The following TMEM132B variants were observed in gnomAD, a reference collection of about 807,000 sequenced individuals.
TMEM132B encodes transmembrane protein 132B.
Under a neutral mutation model 90.8 loss-of-function variants are expected in TMEM132B, and 18 were observed. The observed-to-expected ratio is 0.20, with a 90% CI of 0.14 to 0.29. TMEM132B has a LOEUF of 0.29. Among genes scored for constraint, TMEM132B ranks in the 10% least tolerant of loss-of-function variants. The pLI, the probability that TMEM132B is intolerant of heterozygous loss-of-function variation, is 1.00. For synonymous variants in TMEM132B, 504 were observed against 523.3 expected, an observed-to-expected ratio of 0.96 and a Z score of 0.50; for missense variants, 1,096 against 1,326.8, an observed-to-expected ratio of 0.83 and a Z score of 2.70.
intron 2 of TMEM132B, among the ~76,000 whole-genome samples, chr12:125,398,409 C>T (rs1225251110): frequency 6.6e-6 from 1 of 152,226 alleles, no homozygotes; most frequent in East Asian, 1.9e-4. Flanking sequence ...GACATAGATA[C>T]AGACACAGAA....
intron 5 of TMEM132B, among the ~76,000 whole-genome samples, chr12:125,612,165 AT>A (rs1885846497): frequency 6.6e-6 from 1 of 152,066 alleles, no homozygotes; most frequent in South Asian, 2.1e-4. Flanking sequence ...GTCCCTTTTA[AT>A]TTTAATTTTT....
chr12:125,371,965 C>T (rs991806343), intron 2 of TMEM132B, among the ~76,000 whole-genome samples: 1 of 152,102 alleles, frequency 6.6e-6, no homozygotes, highest in Non-Finnish European at 1.5e-5. Flanking sequence ...TCACTCACTT[C>T]GGTTAGACAG....
intron 5 of TMEM132B, among the ~76,000 whole-genome samples, chr12:125,634,856 T>C (rs1653948987): frequency 6.6e-6 from 1 of 152,142 alleles, no homozygotes. Context: ...AAGGGGTCTT[T>C]TGTGGTACTG....
chr12:125,564,931 T>C (rs1014133713), intron 4 of TMEM132B, among the ~76,000 whole-genome samples: 3 of 152,082 alleles, frequency 2.0e-5, no homozygotes, highest in African/African-American at 4.8e-5. Flanking sequence ...CAATGTTGTG[T>C]GGGAGGTGTG....
intron 5 of TMEM132B, among the ~76,000 whole-genome samples, chr12:125,594,078 C>T (rs1005027410): frequency 6.6e-6 from 1 of 152,172 alleles, no homozygotes; most frequent in African/African-American, 2.4e-5. Flanking sequence ...TCCACTTGTT[C>T]CCAGATAGCC....
At chr12:125,256,711 A>C (rs1874447361) in intron 1 of TMEM132B, among the ~76,000 whole-genome samples, 1 of 152,214 alleles carries the variant, frequency 6.6e-6, no homozygotes, top group African/African-American at 2.4e-5. Flanking sequence ...TTTTGCAATT[A>C]CTTTCAGTTG....
intron 1 of TMEM132B, among the ~76,000 whole-genome samples, chr12:125,341,480 C>T (rs537797891): frequency 4.7e-4 from 71 of 152,180 alleles, no homozygotes; most frequent in African/African-American, 1.7e-3. Context: ...CTTGTTTTCC[C>T]TTTGCCCTTA....
intron 1 of TMEM132B, among the ~76,000 whole-genome samples, chr12:125,312,186 T>G (rs575529117): frequency 3.9e-5 from 6 of 152,344 alleles, no homozygotes; most frequent in Admixed American, 3.3e-4. Context: ...TATGCTCCAT[T>G]GTTAGTATCA....
chr12:125,508,876 T>C (rs189048480), intron 3 of TMEM132B, among the ~76,000 whole-genome samples: 2 of 151,464 alleles, frequency 1.3e-5, no homozygotes, highest in Non-Finnish European at 2.9e-5. Flanking sequence ...CCTCCCAGGT[T>C]CAGTTCAAGT....
chr12:125,333,451 CA>C (rs1478187762), intron 1 of TMEM132B, among the ~76,000 whole-genome samples: 3 of 152,226 alleles, frequency 2.0e-5, no homozygotes, highest in Non-Finnish European at 4.4e-5. Flanking sequence ...GAATTAATTA[CA>C]TTCATGAAGA....
At chr12:125,637,953 C>T (rs1422124707) in intron 5 of TMEM132B, among the ~76,000 whole-genome samples, 1 of 152,202 alleles carries the variant, frequency 6.6e-6, no homozygotes, top group Non-Finnish European at 1.5e-5. Context: ...CACTGCCAAA[C>T]TCATTGAACT....
rs1246182546 is a variant in TMEM132B at position 125,490,331 on chromosome 12, C to G, written c.1107-29108C>G. ...ACTAAAGACAGAAGGGGAATTCATA[C>G]CCGTATCTGCCCAGCCTCAAAGTTC... is the stretch of plus-strand genomic sequence containing the variant. On this transcript the variant is annotated intron_variant, in intron 3 of 8. Coordinates refer to ENST00000682704, the MANE Select transcript of TMEM132B (RefSeq NM_001366854.1). This position sits in a 1 kb window ranked among gnomAD's most constrained non-coding sequence, Gnocchi z 4.2. Among the ~76,000 whole-genome samples, 1 of 152,126 alleles carries G rather than the reference C, an allele frequency of 6.6e-6. No individual in the cohort carries two copies. The highest frequency in any genetic ancestry group is 1.5e-5 in the Non-Finnish European group (1 of 68,032).
chr12:125,615,315 T>C (rs929168635), intron 5 of TMEM132B, among the ~76,000 whole-genome samples: 6 of 152,102 alleles, frequency 3.9e-5, no homozygotes, highest in African/African-American at 1.4e-4. Flanking sequence ...TATAGATATA[T>C]ATATATGATA....
At chr12:125,364,345 T>A (rs191616795) in intron 2 of TMEM132B, among the ~76,000 whole-genome samples, 4 of 152,320 alleles carry the variant, frequency 2.6e-5, no homozygotes, top group Middle Eastern at 3.4e-3. Flanking sequence ...TTAAAAGAAA[T>A]GTATTGTGAG....
chr12:125,554,427 TAAAAAAAA>T (rs71447048), intron 4 of TMEM132B, among the ~76,000 whole-genome samples: 4 of 69,510 alleles, frequency 5.8e-5, no homozygotes, highest in South Asian at 1.2e-3. Flanking sequence ...TCCATTTCAT[TAAAAAAAA>T]AAAAAAAAAA....
chr12:125,298,795 G>A (rs535829107), intron 1 of TMEM132B, among the ~76,000 whole-genome samples: 35 of 149,790 alleles, frequency 2.3e-4, no homozygotes, highest in African/African-American at 6.4e-4. Flanking sequence ...GTGCCGTGGC[G>A]CGATCTCGGC....
chr12:125,378,037 G>GA (rs1382580620), intron 2 of TMEM132B, among the ~76,000 whole-genome samples: 1 of 152,182 alleles, frequency 6.6e-6, no homozygotes, highest in African/African-American at 2.4e-5. Flanking sequence ...TTGGCTGTTA[G>GA]AAGTTGGTTA....
In TMEM132B at chr12:125,368,244, C is replaced by G. The variant is rs118070769; in HGVS notation, c.959+17901C>G. On this transcript the variant is annotated intron_variant, in intron 2 of 8. Transcript: ENST00000682704. Reference sequence around the variant, plus strand: ...TTAATTTGGGTTTGTCTGCTGTCTCCTCATGATTAGATTCAGGTTATGCAT... The same window carrying G: ...TTAATTTGGGTTTGTCTGCTGTCTCGTCATGATTAGATTCAGGTTATGCAT... Among the ~76,000 whole-genome samples, 476 of 152,232 alleles carry G rather than the reference C, an allele frequency of 3.1e-3. 1 individual carries two copies. Among genetic ancestry groups the G allele is most frequent in the Non-Finnish European group, 5.2e-3 (352 of 68,008 alleles).
At chr12:125,339,276 A>G (rs1481197690) in intron 1 of TMEM132B, among the ~76,000 whole-genome samples, 1 of 152,216 alleles carries the variant, frequency 6.6e-6, no homozygotes, top group Non-Finnish European at 1.5e-5. Flanking sequence ...CTGGAAGTCC[A>G]AGACCAAGGT....
Sources: gnomAD v4.1 joint callset for allele counts (sites outside exome capture counted in the v4.1 genomes callset) on GRCh38, gnomAD v4.1.1 for gene constraint, Gnocchi (gnomAD v3.1) non-coding constraint, MANE v1.5 for transcripts, NCBI Gene and HGNC (gene_info 2026-07-23, HGNC 2026-07-21) for gene names.